Variants in NAP1L1 observed in about 807,000 individuals in gnomAD.
NAP1L1 encodes the protein nucleosome assembly protein 1-like 1.
Under a neutral mutation model 58.9 loss-of-function variants are expected in NAP1L1, and 9 were observed. The ratio of observed to expected loss-of-function variants is 0.15; its 90% CI spans 0.09 to 0.27. The LOEUF is 0.27. Among genes scored for constraint, NAP1L1 ranks in the 10% least tolerant of loss-of-function variants. The pLI is 1.00. For synonymous variants in NAP1L1, 130 were observed against 138.3 expected (o/e 0.94, Z 0.42); for missense variants, 302 against 458.8 (o/e 0.66, Z 3.12).
At chr12:76,073,638 A>G (rs987480328) in intron 2 of NAP1L1, among the ~76,000 whole-genome samples, 1 of 152,194 alleles carries the variant, frequency 6.6e-6, no homozygotes, top group South Asian at 2.1e-4. Context: ...TGTGATCACT[A>G]TTCAGATTTT....
intron 2 of NAP1L1, among the ~76,000 whole-genome samples, chr12:76,070,532 C>CTA (rs1421479316): frequency 6.6e-6 from 1 of 152,188 alleles, no homozygotes; most frequent in Non-Finnish European, 1.5e-5. Context: ...AATTGAACAT[C>CTA]TATATCCAAA....
chr12:76,073,501 CT>C (rs68151549), intron 2 of NAP1L1, among the ~76,000 whole-genome samples: 120,793 of 152,006 alleles, frequency 0.79, 48,289 homozygotes, highest in East Asian at 0.99. Flanking sequence ...CACAATAAGT[CT>C]TTTATAAAGC....
intron 1 of NAP1L1, among the ~76,000 whole-genome samples, chr12:76,079,674 G>A (rs951723241): frequency 6.7e-6 from 1 of 149,664 alleles, no homozygotes. Flanking sequence ...CTAAAAACAT[G>A]CTTGAAGGCA....
chr12:76,065,471 G>A (rs568900226), intron 4 of NAP1L1, among the ~76,000 whole-genome samples: 5 of 151,620 alleles, frequency 3.3e-5, no homozygotes, highest in East Asian at 3.9e-4. Context: ...TGTGACTGGG[G>A]GGCAAAACAG....
Position 76,056,099 on chromosome 12 carries a change from G to A in NAP1L1, c.492C>T (p.Pro164=). The A allele has an allele frequency of 1.2e-6, 2 of 1,612,750 alleles. No homozygotes were observed. Among genetic ancestry groups the A allele is most frequent in the Admixed American group, 1.7e-5 (1 of 59,952 alleles). The change falls in exon 7 of 15, where the codon CCC becomes CCT. Residue 164 remains proline (P), a synonymous_variant. Transcript: ENST00000618691. ...TTAACCAAAATTCAGGAATTCCTTT[G>A]GGGTCTTCTTTTTCTTCATCTTTTT... ...DEKKDEEKED[P]KGIPEFWLTV...
intron 4 of NAP1L1, among the ~76,000 whole-genome samples, chr12:76,066,097 A>AAAAT (rs763030439): frequency 3.6e-4 from 50 of 140,142 alleles, no homozygotes; most frequent in Non-Finnish European, 5.2e-4. Flanking sequence ...AGGAGGACCC[A>AAAAT]AAATAAATAA....
intron 1 of NAP1L1, among the ~76,000 whole-genome samples, chr12:76,080,246 G>A (rs996954462): frequency 1.3e-5 from 2 of 152,188 alleles, no homozygotes; most frequent in East Asian, 3.8e-4. Context: ...TTGTGGTGAT[G>A]CTGGTATAAA....
At position 76,040,332 on chromosome 12, in the gene NAP1L1, A is replaced by T. The variant is rs1592593727; in HGVS notation, c.*8097T>A. On this transcript the variant is annotated 3_prime_UTR_variant, in exon 15 of 15. Coordinates refer to ENST00000618691, the MANE Select transcript of NAP1L1 (RefSeq NM_004537.7). ...ATGCCTTCCCTTGACTTTAAAAAAC[A>T]ACTAAGTTGACTCTTGAATATCAAA... 1.3e-5 allele frequency: 2 copies of T among 152,148 alleles called. No homozygotes were observed. Among genetic ancestry groups the T allele is most frequent in the South Asian group, 4.1e-4 (2 of 4,832 alleles). 9.4% of individuals were successfully genotyped at this position (152,148 alleles called of 1,614,324 possible).
intron 6 of NAP1L1, chr12:76,057,926 G>GT: frequency 1.8e-6 from 2 of 1,139,360 alleles, no homozygotes; most frequent in Admixed American, 3.8e-5. Flanking sequence ...TGTGACAAGG[G>GT]TTGTGGCCTT....
intron 4 of NAP1L1, among the ~76,000 whole-genome samples, chr12:76,061,625 A>C (rs1364722524): frequency 6.6e-6 from 1 of 152,192 alleles, no homozygotes; most frequent in Non-Finnish European, 1.5e-5. Context: ...AGAATGATTA[A>C]ACCTCTCTAA....
chr12:76,069,442 G>A (rs753152547), intron 2 of NAP1L1, among the ~76,000 whole-genome samples: 15 of 152,226 alleles, frequency 9.9e-5, no homozygotes, highest in Non-Finnish European at 1.5e-5. Flanking sequence ...GTATTTCTTT[G>A]AGGAAGTATC....
Position 76,049,330 on chromosome 12 carries a change from C to A in NAP1L1, c.1090-80G>T, listed in dbSNP as rs1001715837. 2.8e-5 allele frequency: 45 copies of A among 1,606,764 alleles called. No individual in the cohort carries two copies. In the Admixed American group the frequency reaches 7.2e-4, roughly 26 times the overall value. On this transcript the variant is annotated intron_variant, in intron 13 of 14. Coordinates refer to ENST00000618691, the MANE Select transcript of NAP1L1 (RefSeq NM_004537.7). ...CTCATAATGTAGGGAAAATTTAATA[C>A]AAGTTACTCTACGGATCAACAGATT... is the stretch of plus-strand genomic sequence containing the variant.
intron 2 of NAP1L1, among the ~76,000 whole-genome samples, chr12:76,072,846 A>G (rs1057131021): frequency 1.3e-5 from 2 of 152,210 alleles, no homozygotes; most frequent in Non-Finnish European, 2.9e-5. Flanking sequence ...ATAAAGGTAG[A>G]ATAGTCGTTT....
chr12:76,051,906 C>T (rs898825019), intron 11 of NAP1L1, among the ~76,000 whole-genome samples: 3 of 151,922 alleles, frequency 2.0e-5, no homozygotes, highest in Non-Finnish European at 4.4e-5. Flanking sequence ...CCCAGCTACT[C>T]GGGAGGCTGA....
intron 1 of NAP1L1, among the ~76,000 whole-genome samples, chr12:76,075,460 T>G (rs776919799): frequency 1.2e-4 from 18 of 152,354 alleles, no homozygotes; most frequent in Admixed American, 2.0e-4. Context: ...ACATCCTGAT[T>G]TTAGCAGTTA....
In NAP1L1 at chr12:76,036,812, C is replaced by G. The variant is rs1264870540; in HGVS notation, c.*11617G>C. 1 of 152,340 alleles carries G rather than the reference C, an allele frequency of 6.6e-6. No homozygotes were observed. The highest frequency in any genetic ancestry group is 1.9e-4 in the East Asian group (1 of 5,190). The allele number at this position is 152,340 out of a possible 1,614,324, so 9.4% of individuals were successfully genotyped here. ...CCAAGGCTGGGCGCGGTGGCTCACG[C>G]CTGTAATCCCAACACTTTGGGAGGC... On this transcript the variant is annotated 3_prime_UTR_variant, in exon 15 of 15. Coordinates refer to ENST00000618691, the MANE Select transcript of NAP1L1 (RefSeq NM_004537.7).
At chr12:76,057,087 A>C (rs967919416) in intron 6 of NAP1L1, 6 of 183,494 alleles carry the variant, frequency 3.3e-5, no homozygotes, top group African/African-American at 1.4e-4. Context: ...GATTGCTTGA[A>C]GCCAGGAGTC....
chr12:76,067,888 G>C (rs1949754620), intron 3 of NAP1L1, among the ~76,000 whole-genome samples: 1 of 152,196 alleles, frequency 6.6e-6, no homozygotes, highest in Admixed American at 6.5e-5. Context: ...CCAGGAGAAA[G>C]ATGAAGTGAG....
At chr12:76,076,377 A>G (rs897510673) in intron 1 of NAP1L1, among the ~76,000 whole-genome samples, 2 of 152,102 alleles carry the variant, frequency 1.3e-5, no homozygotes, top group Non-Finnish European at 2.9e-5. Flanking sequence ...CTTGACAATC[A>G]TAGCGTTGTC....
Sources: gnomAD v4.1 joint callset for allele counts (sites outside exome capture counted in the v4.1 genomes callset) on GRCh38, gnomAD v4.1.1 for gene constraint, MANE v1.5 for transcripts, NCBI Gene and HGNC (gene_info 2026-07-23, HGNC 2026-07-21) for gene names.